The following TCF12 variants were observed in gnomAD, a reference collection of about 807,000 sequenced individuals.
TCF12 encodes transcription factor 12.
Under a neutral mutation model 86.0 loss-of-function variants are expected in TCF12, and 45 were observed. That is an observed-to-expected ratio of 0.52 (90% CI 0.41 to 0.67). The LOEUF is 0.67. Among genes scored for constraint, TCF12 ranks in the 30% least tolerant of loss-of-function variants. The probability of loss-of-function intolerance (pLI) is 0.00; values close to 1 mark genes in which losing one functional copy is unlikely to be tolerated. For missense variants in TCF12, 881 were observed against 859.9 expected, an observed-to-expected ratio of 1.02 and a Z score of -0.31; for synonymous variants, 330 against 299.6, an observed-to-expected ratio of 1.10 and a Z score of -1.05.
chr15:57,008,172 T>A (rs2064586486), intron 3 of TCF12, among the ~76,000 whole-genome samples: 1 of 151,380 alleles, frequency 6.6e-6, no homozygotes, highest in Non-Finnish European at 1.5e-5. Context: ...CTCACTTTGT[T>A]GCCCAGACTG....
intron 5 of TCF12, among the ~76,000 whole-genome samples, chr15:57,155,667 T>C (rs1379017711): frequency 6.6e-6 from 1 of 152,120 alleles, no homozygotes; most frequent in Non-Finnish European, 1.5e-5. Context: ...TGGGTGTGTG[T>C]GCCTGTAGTC....
chr15:57,265,869 A>G (rs1460922028), intron 18 of TCF12, among the ~76,000 whole-genome samples: 2 of 152,180 alleles, frequency 1.3e-5, no homozygotes, highest in Non-Finnish European at 2.9e-5. Context: ...GTTGTGCTGC[A>G]GCCTTACCAC....
intron 5 of TCF12, among the ~76,000 whole-genome samples, chr15:57,125,454 C>G (rs191620197): frequency 6.6e-6 from 1 of 152,156 alleles, no homozygotes; most frequent in African/African-American, 2.4e-5. Context: ...TTTACAGTTA[C>G]ACGAGGCAAA....
At chr15:56,947,100 A>G (rs770645695) in intron 3 of TCF12, among the ~76,000 whole-genome samples, 3 of 152,182 alleles carry the variant, frequency 2.0e-5, no homozygotes, top group Non-Finnish European at 4.4e-5. Flanking sequence ...GTCCTGCCTT[A>G]GAGAAACTTT....
At chr15:57,004,075 A>C (rs1349809790) in intron 3 of TCF12, among the ~76,000 whole-genome samples, 1 of 152,078 alleles carries the variant, frequency 6.6e-6, no homozygotes, top group South Asian at 2.1e-4. Context: ...TGTAATTTCT[A>C]TAAAGAGTGA....
intron 5 of TCF12, among the ~76,000 whole-genome samples, chr15:57,124,542 T>C (rs1274181104): frequency 6.6e-6 from 1 of 152,166 alleles, no homozygotes; most frequent in Non-Finnish European, 1.5e-5. Flanking sequence ...AGGTAACAGC[T>C]ACATTCTTCT....
chr15:57,169,635 A>G (rs1847365463), intron 6 of TCF12, among the ~76,000 whole-genome samples: 1 of 152,230 alleles, frequency 6.6e-6, no homozygotes, highest in Admixed American at 6.5e-5. Flanking sequence ...TATTTTTAAG[A>G]GACCTAAATG....
chr15:57,113,580 TC>T (rs1303503411), intron 5 of TCF12, among the ~76,000 whole-genome samples: 1 of 151,924 alleles, frequency 6.6e-6, no homozygotes, highest in South Asian at 2.1e-4. Context: ...TTTCCTAACA[TC>T]CCCCTTACCT....
chr15:57,071,337 A>G (rs1283067293), intron 4 of TCF12, among the ~76,000 whole-genome samples: 1 of 151,798 alleles, frequency 6.6e-6, no homozygotes, highest in Non-Finnish European at 1.5e-5. Context: ...ACATGAACCC[A>G]GGGGTTGAGG....
At chr15:56,953,867 A>T (rs1595834611) in intron 3 of TCF12, among the ~76,000 whole-genome samples, 6 of 135,790 alleles carry the variant, frequency 4.4e-5, no homozygotes, top group East Asian at 2.2e-4. Flanking sequence ...CCAGCTTTTG[A>T]GTTCCTTGGC....
At chr15:56,934,856 C>T (rs940072004) in intron 3 of TCF12, among the ~76,000 whole-genome samples, 1 of 152,042 alleles carries the variant, frequency 6.6e-6, no homozygotes, top group Non-Finnish European at 1.5e-5. Context: ...GCTGATTGTT[C>T]TTCAGAATAA....
At chr15:57,059,678 A>G (rs907615556) in intron 3 of TCF12, among the ~76,000 whole-genome samples, 9 of 134,194 alleles carry the variant, frequency 6.7e-5, no homozygotes, top group Non-Finnish European at 4.6e-5. Flanking sequence ...ATGATGGTTT[A>G]CTTACTCAAA....
rs1451001433 is a variant in TCF12 at position 57,287,965 on chromosome 15, T to C, written c.*1820T>C. 2.0e-5 allele frequency: 3 copies of C among 152,652 alleles called. No homozygotes were observed. Among genetic ancestry groups the C allele is most frequent in the African/African-American group, 7.2e-5 (3 of 41,458 alleles). The allele number at this position is 152,652 out of a possible 1,614,324, so 9.5% of individuals were successfully genotyped here. A position where few individuals can be genotyped will look rare whatever the true frequency, so the allele number is the denominator to read the frequency against. The stretch of plus-strand genomic sequence containing the variant: ...TTTTTTTCTTCAGAGCTTGTTGTCT[T>C]TTTCGCTATATTAGACTTTGCAGTA... On this transcript the variant is annotated 3_prime_UTR_variant, in exon 21 of 21. Transcript: ENST00000333725.
chr15:57,271,660 A>G (rs1218992131), intron 18 of TCF12, among the ~76,000 whole-genome samples: 2 of 151,918 alleles, frequency 1.3e-5, no homozygotes, highest in Non-Finnish European at 2.9e-5. Flanking sequence ...GAAATCACCC[A>G]TCTTCTTCTT....
Position 57,211,107 on chromosome 15 carries a change from A to T in TCF12, c.579+13282A>T, listed in dbSNP as rs138077868. Among the ~76,000 whole-genome samples, 235 of 152,354 alleles carry T rather than the reference A, an allele frequency of 1.5e-3. 2 individuals are homozygous for T. The highest frequency in any genetic ancestry group is 9.1e-4 in the Non-Finnish European group (62 of 68,036). ...TTGTTTTCCAGGTGATGCTGTATTCACCATGAAATATCTGACTTGTAGATT... is the reference window on the plus strand; with the variant it reads ...TTGTTTTCCAGGTGATGCTGTATTCTCCATGAAATATCTGACTTGTAGATT... On this transcript the variant is annotated intron_variant, in intron 8 of 20. Coordinates refer to ENST00000333725, the MANE Select transcript of TCF12 (RefSeq NM_207037.2).
intron 6 of TCF12, among the ~76,000 whole-genome samples, chr15:57,170,729 T>TA (rs1179903508): frequency 0.011 from 19 of 1,802 alleles, no homozygotes; most frequent in African/African-American, 0.035. Context: ...ATATTATATA[T>TA]TATATATAAT....
intron 3 of TCF12, among the ~76,000 whole-genome samples, chr15:56,930,662 G>C (rs2060204277): frequency 6.6e-6 from 1 of 152,048 alleles, no homozygotes; most frequent in African/African-American, 2.4e-5. Context: ...TTGCAAGACT[G>C]TTCTAAGTAT....
intron 13 of TCF12, among the ~76,000 whole-genome samples, chr15:57,248,279 C>A (rs990158845): frequency 2.0e-5 from 3 of 152,198 alleles, no homozygotes; most frequent in Admixed American, 6.5e-5. Flanking sequence ...AATAGAATTG[C>A]TCTCTCCTGG....
At chr15:57,090,378 A>G (rs1368635891) in intron 4 of TCF12, among the ~76,000 whole-genome samples, 1 of 152,202 alleles carries the variant, frequency 6.6e-6, no homozygotes, top group African/African-American at 2.4e-5. Context: ...TAAGTTGTGA[A>G]TGGCACCCAG....
Sources: allele counts gnomAD v4.1 joint callset (sites outside exome capture counted in the v4.1 genomes callset), GRCh38; gene constraint gnomAD v4.1.1; transcripts MANE v1.5; gene names NCBI Gene and HGNC (gene_info 2026-07-23, HGNC 2026-07-21).